PRUNE2: variants seen among roughly 807,000 people sequenced by gnomAD.
The protein encoded by PRUNE2 is protein prune homolog 2.
A neutral mutation model predicts 252.0 loss-of-function variants in PRUNE2; 164 were observed. The observed-to-expected ratio is 0.65, with a 90% CI of 0.57 to 0.74. The LOEUF is 0.74. PRUNE2 is among the 30% of genes least tolerant of loss of function. The pLI is 0.00. For synonymous variants in PRUNE2, 1,292 were observed against 1,350.2 expected (o/e 0.96, Z 0.94); for missense variants, 3,495 against 3,711.0 (o/e 0.94, Z 1.51).
At chr9:76,833,908 G>A (rs2058814398) in intron 4 of PRUNE2, among the ~76,000 whole-genome samples, 1 of 144,170 alleles carries the variant, frequency 6.9e-6, no homozygotes, top group Non-Finnish European at 1.5e-5. Context: ...TTAAGATGGA[G>A]TCTTGCTTGG....
intron 6 of PRUNE2, among the ~76,000 whole-genome samples, chr9:76,729,114 T>C (rs929482105): frequency 2.0e-5 from 3 of 152,204 alleles, no homozygotes; most frequent in Admixed American, 2.0e-4. Flanking sequence ...ACAGAATTTC[T>C]GATTAAAAGA....
chr9:76,675,857 T>C (rs1488498356), intron 9 of PRUNE2, among the ~76,000 whole-genome samples: 10 of 126,324 alleles, frequency 7.9e-5, no homozygotes, highest in East Asian at 2.3e-4. Context: ...TAGGTGGGAA[T>C]TGAACAATGA....
intron 4 of PRUNE2, among the ~76,000 whole-genome samples, chr9:76,839,712 T>G (rs932482726): frequency 6.6e-6 from 1 of 152,084 alleles, no homozygotes; most frequent in African/African-American, 2.4e-5. Context: ...ATGGAGGAGA[T>G]AGGGCAACAG....
At chr9:76,780,450 G>A (rs2054249848) in intron 6 of PRUNE2, among the ~76,000 whole-genome samples, 1 of 152,128 alleles carries the variant, frequency 6.6e-6, no homozygotes, top group African/African-American at 2.4e-5. Context: ...CACTTTGGGA[G>A]GCCGAGGCGG....
intron 15 of PRUNE2, among the ~76,000 whole-genome samples, chr9:76,633,538 C>T (rs572102636): frequency 7.6e-6 from 1 of 132,068 alleles, no homozygotes; most frequent in East Asian, 2.3e-4. Flanking sequence ...GCCGAGATCG[C>T]ACCACAGCAC....
chr9:76,727,152 A>C (rs1310538767), intron 6 of PRUNE2, among the ~76,000 whole-genome samples: 2 of 152,232 alleles, frequency 1.3e-5, no homozygotes, highest in Non-Finnish European at 2.9e-5. Context: ...ACTAGATGCC[A>C]GTAGCAAGCT....
intron 1 of PRUNE2, among the ~76,000 whole-genome samples, chr9:76,855,901 G>A (rs1012378714): frequency 3.3e-5 from 5 of 152,092 alleles, no homozygotes; most frequent in African/African-American, 9.7e-5. Context: ...TTCTAGTCTA[G>A]GTCCAGTTCT....
chr9:76,729,536 A>G (rs563728561), intron 6 of PRUNE2, among the ~76,000 whole-genome samples: 2 of 152,342 alleles, frequency 1.3e-5, no homozygotes, highest in East Asian at 3.9e-4. Flanking sequence ...GGCTCTTTAG[A>G]AATGAAAGTA....
At chr9:76,617,150 C>T (rs1167373440) in intron 18 of PRUNE2, among the ~76,000 whole-genome samples, 2 of 152,002 alleles carry the variant, frequency 1.3e-5, no homozygotes, top group Non-Finnish European at 2.9e-5. Context: ...GTGTCTAACA[C>T]GTATTAAATG....
intron 18 of PRUNE2, chr9:76,614,991 G>T: frequency 1.8e-6 from 1 of 552,308 alleles, no homozygotes; most frequent in Non-Finnish European, 2.3e-6. Flanking sequence ...TCTGCCTCAA[G>T]TAAGTAATGT....
At position 76,709,039 on chromosome 9, in the gene PRUNE2, A is replaced by G. The variant is rs940445350; in HGVS notation, c.3235T>C (p.Tyr1079His). Residue 1079 changes from tyrosine to histidine, a missense_variant, in exon 8 of 19, where the codon TAC (tyrosine) becomes CAC (histidine). Transcript: ENST00000376718. ...DDVGESSQSS[Y>H]DDPSMMQLYN... is the part of the protein sequence containing the mutation. ...AGTTGCATCATGCTGGGGTCGTCGTAACTGGACTGGCTGCTTTCCCCGACG... is the reference window on the plus strand; with the variant it reads ...AGTTGCATCATGCTGGGGTCGTCGTGACTGGACTGGCTGCTTTCCCCGACG... 2 of 1,613,936 alleles carry G rather than the reference A, an allele frequency of 1.2e-6. No homozygotes were observed. Among genetic ancestry groups the G allele is most frequent in the Non-Finnish European group, 8.5e-7 (1 of 1,179,886 alleles).
chr9:76,905,954 A>G lies in PRUNE2; in HGVS notation c.10T>C (p.Phe4Leu). Residue 4 changes from phenylalanine (F) to leucine (L), a missense_variant, in exon 1 of 19, where the codon TTT becomes CTT. Coordinates refer to ENST00000376718, the MANE Select transcript of PRUNE2 (RefSeq NM_015225.3). MEE[F>L]LQRAKSKLNR... ...AGTTTAGATTTGGCGCGTTGCAAAA[A>G]TTCTTCCATGTCGTGGCTAGGGGTT... 3.7e-6 allele frequency: 6 copies of G among 1,614,120 alleles called. No homozygotes were observed. The highest frequency in any genetic ancestry group is 5.1e-6 in the Non-Finnish European group (6 of 1,180,002).
intron 9 of PRUNE2, among the ~76,000 whole-genome samples, chr9:76,665,834 G>T (rs1307110739): frequency 1.3e-5 from 2 of 151,942 alleles, no homozygotes; most frequent in Non-Finnish European, 2.9e-5. Flanking sequence ...AGGAGTTCGA[G>T]ATCTGTGGGC....
At chr9:76,763,376 G>A (rs2051949953) in intron 6 of PRUNE2, among the ~76,000 whole-genome samples, 1 of 152,200 alleles carries the variant, frequency 6.6e-6, no homozygotes, top group Non-Finnish European at 1.5e-5. Context: ...AGGCTTTGCA[G>A]TAAGTGTAGT....
At chr9:76,792,198 C>T (rs971973548) in intron 6 of PRUNE2, among the ~76,000 whole-genome samples, 2 of 152,144 alleles carry the variant, frequency 1.3e-5, no homozygotes, top group South Asian at 4.2e-4. Context: ...GTGGCTCTTT[C>T]CCATGCTGTT....
Position 76,905,932 on chromosome 9 carries a change from T to C in PRUNE2, c.32A>G (p.Lys11Arg), listed in dbSNP as rs1725861056. MEEFLQRAKS[K>R]LNRSKRLEKV... ...AGCTTTGCTCACTCAACTTACCAGT[T>C]TAGATTTGGCGCGTTGCAAAAATTC... is the stretch of plus-strand genomic sequence containing the variant. The change falls in exon 1 of 19, where the codon AAA becomes AGA. Residue 11 changes from lysine to arginine, a missense_variant. Physicochemically the swap from Lys to Arg is conservative, Grantham distance 26 (BLOSUM62 2). Coordinates refer to ENST00000376718, the MANE Select transcript of PRUNE2 (RefSeq NM_015225.3). 2.5e-6 allele frequency: 4 copies of C among 1,614,044 alleles called. No individual in the cohort carries two copies. In the African/African-American group the frequency reaches 4.0e-5, roughly 16 times the overall value.
intron 13 of PRUNE2, 136 bp downstream of exon 13, chr9:76,638,050 G>C (rs1840900323): frequency 1.6e-6 from 1 of 635,802 alleles, no homozygotes; most frequent in African/African-American, 1.8e-5. Flanking sequence ...AACATTCCTT[G>C]ACAGAAACCT....
chr9:76,708,057 C>T lies in PRUNE2; in HGVS notation c.4217G>A (p.Gly1406Glu), dbSNP rs2046437272. Residue 1406 changes from glycine (G) to glutamate (E), a missense_variant, in exon 8 of 19, where the codon GGG becomes GAG. Coordinates refer to ENST00000376718, the MANE Select transcript of PRUNE2 (RefSeq NM_015225.3). ...EPEEVLEYEE[G>E]SYNLDSRDVQ... The stretch of plus-strand genomic sequence containing the variant: ...ATCACGGGAGTCTAGATTGTAAGAC[C>T]CCTCCTCATACTCTAAAACTTCCTC... 1 of 1,613,858 alleles carries T rather than the reference C, an allele frequency of 6.2e-7. No individual in the cohort carries two copies. Among genetic ancestry groups the T allele is most frequent in the South Asian group, 1.1e-5 (1 of 91,078 alleles).
rs368574912 is a variant in PRUNE2, at chr9:76,629,153, A to C, written c.9149+39T>G. 58 of 1,287,586 alleles carry C rather than the reference A, an allele frequency of 4.5e-5. No individual in the cohort carries two copies. The African/African-American group carries it at 6.8e-4, about 15-fold the overall frequency. The allele number at this position is 1,287,586 out of a possible 1,614,324, so 79.8% of individuals were successfully genotyped here. The stretch of plus-strand genomic sequence containing the variant: ...CCACCACACCCAGCCTCAAACTAGT[A>C]CTATTTCTTAACACATCTCTGAAAC... On this transcript the variant is annotated intron_variant, in intron 16 of 18. Coordinates refer to ENST00000376718, the MANE Select transcript of PRUNE2 (RefSeq NM_015225.3).
Sources: allele counts gnomAD v4.1 joint callset (sites outside exome capture counted in the v4.1 genomes callset), GRCh38; gene constraint gnomAD v4.1.1; transcripts MANE v1.5; gene names NCBI Gene and HGNC (gene_info 2026-07-23, HGNC 2026-07-21).